Variants in PPP6R3 observed in about 807,000 individuals in gnomAD.
PPP6R3 encodes protein phosphatase 6 regulatory subunit 3, also known as serine/threonine-protein phosphatase 6 regulatory subunit 3.
In PPP6R3, 38 loss-of-function variants were observed where a neutral mutation model predicts 110.7. The observed-to-expected ratio is 0.34, with a 90% CI of 0.26 to 0.45. The LOEUF is 0.45. PPP6R3 is among the 20% of genes least tolerant of loss of function. The pLI is 1.00. For synonymous variants in PPP6R3, 369 were observed against 373.5 expected, an observed-to-expected ratio of 0.99 and a Z score of 0.14; for missense variants, 870 against 1,062.4, an observed-to-expected ratio of 0.82 and a Z score of 2.52.
chr11:68,517,700 G>A (rs1479264071), intron 1 of PPP6R3, among the ~76,000 whole-genome samples: 2 of 152,192 alleles, frequency 1.3e-5, no homozygotes, highest in Non-Finnish European at 2.9e-5. Flanking sequence ...AACTTTGGGA[G>A]GCCAAGGCGG....
intron 3 of PPP6R3, among the ~76,000 whole-genome samples, chr11:68,541,970 A>G (rs1376801482): frequency 6.6e-6 from 1 of 151,984 alleles, no homozygotes; most frequent in Admixed American, 6.6e-5. Flanking sequence ...CTTTGAAGTG[A>G]TTTCTTGTAA....
chr11:68,501,487 T>C (rs1470004383), intron 1 of PPP6R3, among the ~76,000 whole-genome samples: 2 of 152,126 alleles, frequency 1.3e-5, no homozygotes, highest in Non-Finnish European at 2.9e-5. Flanking sequence ...CCACCACACC[T>C]GGCTGATTTT....
chr11:68,528,433 T>TTG (rs1555110024), intron 2 of PPP6R3, among the ~76,000 whole-genome samples: 42 of 127,544 alleles, frequency 3.3e-4, no homozygotes, highest in African/African-American at 1.2e-3. Context: ...TTTGTGTGTG[T>TTG]GGGGGGGGGG....
chr11:68,603,464 G>A lies in PPP6R3; in HGVS notation c.2422G>A (p.Ala808Thr). 6.2e-7 allele frequency: 1 copy of A among 1,614,174 alleles called. No individual in the cohort carries two copies. Among genetic ancestry groups the A allele is most frequent in the Non-Finnish European group, 8.5e-7 (1 of 1,180,006 alleles). Residue 808 changes from alanine to threonine, a missense_variant, in exon 22 of 24, where the codon GCC becomes ACC. By Grantham distance (58) the Ala-to-Thr change is moderately conservative. Coordinates refer to ENST00000393800, the MANE Select transcript of PPP6R3 (RefSeq NM_001164161.2). ...MKETLSLTVD[A>T]KTETAVFKSE... ...GGAAACGCTCAGCCTCACTGTAGAT[G>A]CCAAGACAGAGACTGCGGTCTTCAA...
chr11:68,529,144 T>G (rs1186330663), intron 2 of PPP6R3, among the ~76,000 whole-genome samples: 1 of 152,232 alleles, frequency 6.6e-6, no homozygotes, highest in African/African-American at 2.4e-5. Flanking sequence ...GCATTGTTCC[T>G]TCTTCTGAAA....
At chr11:68,475,836 C>G (rs190132318) in intron 1 of PPP6R3, among the ~76,000 whole-genome samples, 1,657 of 151,066 alleles carry the variant, frequency 0.011, 13 homozygotes, top group Non-Finnish European at 0.018. Context: ...GGTGGCCGGG[C>G]AGAGACGCTC....
intron 1 of PPP6R3, among the ~76,000 whole-genome samples, chr11:68,491,673 C>T (rs951323732): frequency 1.3e-5 from 2 of 151,884 alleles, no homozygotes; most frequent in East Asian, 1.9e-4. Flanking sequence ...TGGAGTGTAC[C>T]GTTCAGTGGC....
chr11:68,564,214 T>A, intron 8 of PPP6R3, 89 bp from the exon 9 acceptor site: 1 of 1,322,774 alleles, frequency 7.6e-7, no homozygotes, highest in South Asian at 1.5e-5. Context: ...AAAGTTGATA[T>A]AATCATTAAG....
intron 3 of PPP6R3, among the ~76,000 whole-genome samples, chr11:68,538,482 A>C (rs2153649633): frequency 6.6e-6 from 1 of 152,272 alleles, no homozygotes; most frequent in Admixed American, 6.5e-5. Context: ...TCAGTTAATT[A>C]TTTCTCCATA....
At chr11:68,523,718 CCCCTT>C (rs774410389) in intron 2 of PPP6R3, among the ~76,000 whole-genome samples, 1 of 107,602 alleles carries the variant, frequency 9.3e-6, no homozygotes, top group African/African-American at 3.3e-5. Flanking sequence ...CCCCCCCCCC[CCCCTT>C]TTTTTTTTCT....
intron 1 of PPP6R3, among the ~76,000 whole-genome samples, chr11:68,494,258 G>A (rs1362701562): frequency 6.6e-6 from 1 of 151,600 alleles, no homozygotes; most frequent in East Asian, 1.9e-4. Flanking sequence ...GGGCACGGTG[G>A]CTCACGCCTG....
At chr11:68,603,524 C>G in intron 22 of PPP6R3, 32 bp downstream of exon 22, 1 of 1,613,466 alleles carries the variant, frequency 6.2e-7, no homozygotes. Flanking sequence ...CTGGTAGCTT[C>G]AGGTTATTGG....
chr11:68,537,688 C>T lies in PPP6R3; in HGVS notation c.24C>T (p.His8=), dbSNP rs139475548. The T allele has an allele frequency of 9.4e-6, 15 of 1,603,990 alleles. No homozygotes were observed. The highest frequency in any genetic ancestry group is 1.7e-4 in the Middle Eastern group (1 of 5,978). The change falls in exon 3 of 24, where the codon CAC becomes CAT. Residue 8 remains histidine (H), a synonymous_variant. Coordinates refer to ENST00000393800, the MANE Select transcript of PPP6R3 (RefSeq NM_001164161.2). MFWKFDL[H]SSSHIDTLLE... is the part of the protein sequence containing the mutation. ...GCATGTTTTGGAAATTTGATCTTCACTCATCATCCCACATAGACACACTTC... is the reference window on the plus strand; with the variant it reads ...GCATGTTTTGGAAATTTGATCTTCATTCATCATCCCACATAGACACACTTC...
chr11:68,490,047 T>A (rs115271344), intron 1 of PPP6R3, among the ~76,000 whole-genome samples: 1,567 of 152,328 alleles, frequency 0.01, 20 homozygotes, highest in African/African-American at 0.036. Flanking sequence ...TTTTTGAATC[T>A]TCACTTAATT....
intron 2 of PPP6R3, among the ~76,000 whole-genome samples, chr11:68,528,882 C>A (rs1018810811): frequency 1.3e-5 from 2 of 152,190 alleles, no homozygotes; most frequent in Non-Finnish European, 2.9e-5. Flanking sequence ...AGTCCTCAGC[C>A]TCCAGGTGTC....
intron 1 of PPP6R3, among the ~76,000 whole-genome samples, chr11:68,516,119 G>T (rs1024009610): frequency 6.6e-6 from 1 of 152,066 alleles, no homozygotes; most frequent in Non-Finnish European, 1.5e-5. Flanking sequence ...TATTTGACTT[G>T]GCACGTCTTT....
rs187455995 is a variant in PPP6R3, at chr11:68,494,060, G to A, written c.-157-25441G>A. 2.7e-3 allele frequency among the ~76,000 whole-genome samples: 386 copies of A among 144,660 alleles called. 4 individuals are homozygous for A. The highest frequency in any genetic ancestry group is 9.3e-3 in the African/African-American group (364 of 39,098). The allele number at this position is 144,660 out of a possible 152,430, so 94.9% of individuals were successfully genotyped here. A position where few individuals can be genotyped will look rare whatever the true frequency, so the allele number is the denominator to read the frequency against. On this transcript the variant is annotated intron_variant, in intron 1 of 23. Transcript: ENST00000393800. ...GGAGCTTGCAGTGGGCCGAGATTGC[G>A]CCACTGTACTCCAGCCTGGGCAGCT...
chr11:68,499,979 A>C (rs916307320), intron 1 of PPP6R3, among the ~76,000 whole-genome samples: 1 of 152,108 alleles, frequency 6.6e-6, no homozygotes, highest in East Asian at 1.9e-4. Flanking sequence ...GTGGGTCCTC[A>C]TTCTGTCTTT....
At chr11:68,525,479 G>GTTGCATACT (rs2099191922) in intron 2 of PPP6R3, among the ~76,000 whole-genome samples, 1 of 152,072 alleles carries the variant, frequency 6.6e-6, no homozygotes, top group African/African-American at 2.4e-5. Context: ...TGCACGTTAG[G>GTTGCATACT]TTGCATACTG....
Sources: allele counts gnomAD v4.1 joint callset (sites outside exome capture counted in the v4.1 genomes callset), GRCh38; gene constraint gnomAD v4.1.1; transcripts MANE v1.5; gene names NCBI Gene and HGNC (gene_info 2026-07-23, HGNC 2026-07-21).